The following CUBN variants were observed in gnomAD, a reference collection of about 807,000 sequenced individuals.
CUBN encodes 460 kDa receptor.
Under a neutral mutation model 405.3 loss-of-function variants are expected in CUBN, and 282 were observed. That is an observed-to-expected ratio of 0.70 (90% CI 0.63 to 0.77). CUBN has a LOEUF of 0.77. Ranked by LOEUF, CUBN falls within the 30% of genes least tolerant of loss-of-function variation. The pLI is 0.00. For synonymous variants in CUBN, 1,684 were observed against 1,617.0 expected (o/e 1.04, Z -0.99); for missense variants, 4,514 against 4,475.2 (o/e 1.01, Z -0.25).
rs185726220 is a variant in CUBN, at chr10:17,118,476, T to G, written c.594-2879A>C. Among the ~76,000 whole-genome samples the G allele has an allele frequency of 2.6e-5, 4 of 152,324 alleles. No homozygotes were observed. The East Asian group carries it at 7.7e-4, about 29-fold the overall frequency. On this transcript the variant is annotated intron_variant, in intron 6 of 66. Transcript: ENST00000377833. ...CGTTTTGTTTTGAGACAGGGTCTTG[T>G]GCCCAGGCGGAGTGCAGTGGTGCGA...
intron 14 of CUBN, among the ~76,000 whole-genome samples, chr10:17,094,646 T>C (rs1310361481): frequency 2.6e-5 from 4 of 151,804 alleles, no homozygotes; most frequent in Non-Finnish European, 5.9e-5. Context: ...AAGAAGAAAA[T>C]CCCATTTACA....
chr10:16,937,896 G>A (rs934827280), intron 38 of CUBN, 112 bp from the exon 39 acceptor site: 1 of 919,572 alleles, frequency 1.1e-6, no homozygotes, highest in East Asian at 2.7e-5. Context: ...ACAAAAAAAT[G>A]ACAAATGAGT....
intron 59 of CUBN, among the ~76,000 whole-genome samples, chr10:16,863,862 T>C (rs1206586835): frequency 6.6e-6 from 1 of 152,208 alleles, no homozygotes; most frequent in Non-Finnish European, 1.5e-5. Context: ...TTTAACGTGT[T>C]TGAGAGACAT....
In CUBN at chr10:16,904,080, C is replaced by T; in HGVS notation, c.7948G>A (p.Gly2650Ser). The T allele has an allele frequency of 6.2e-7, 1 of 1,613,698 alleles. No individual in the cohort carries two copies. The change falls in exon 51 of 67, where the codon GGT becomes AGT. Residue 2650 changes from glycine (G) to serine (S), a missense_variant. Physicochemically the swap from Gly to Ser is moderately conservative, Grantham distance 56. Coordinates refer to ENST00000377833, the MANE Select transcript of CUBN (RefSeq NM_001081.4). Reference sequence around the variant, plus strand: ...AATGGCAATGTAGGCTTTGAAGGACCACAAAGTCTCCACATCAGGGGCCCA... The same window carrying T: ...AATGGCAATGTAGGCTTTGAAGGACTACAAAGTCTCCACATCAGGGGCCCA... ...ADGPLMWRLC[G>S]PSKPTLPLVI... is the part of the protein sequence containing the mutation.
At chr10:16,896,382 ATATGAGAAGT>A (rs1260039385) in intron 54 of CUBN, among the ~76,000 whole-genome samples, 1 of 152,114 alleles carries the variant, frequency 6.6e-6, no homozygotes, top group African/African-American at 2.4e-5. Context: ...GTTTACCTTC[ATATGAGAAGT>A]TTTTATTTCC....
intron 56 of CUBN, among the ~76,000 whole-genome samples, chr10:16,882,335 G>A (rs1053750170): frequency 5.5e-4 from 84 of 152,196 alleles, no homozygotes; most frequent in African/African-American, 1.9e-3. Flanking sequence ...GCTGCAAAAC[G>A]ATTCCCTATC....
At chr10:16,984,440 T>C (rs565302210) in intron 29 of CUBN, among the ~76,000 whole-genome samples, 161 bp from the exon 30 acceptor site, 1 of 152,202 alleles carries the variant, frequency 6.6e-6, no homozygotes, top group East Asian at 1.9e-4. Flanking sequence ...TTGAGCTGAG[T>C]TTTCAAAGGC....
chr10:16,902,177 A>ATATACAAATATATAC lies in CUBN; in HGVS notation c.8063-719_8063-718insGTATATATTTGTATA, dbSNP rs1588633940. 2.2e-5 allele frequency among the ~76,000 whole-genome samples: 3 copies of ATATACAAATATATAC among 136,486 alleles called. No homozygotes were observed. The East Asian group carries it at 6.0e-4, about 27-fold the overall frequency. 89.5% of individuals were successfully genotyped at this position (136,486 alleles called of 152,430 possible). A position where few individuals can be genotyped will look rare whatever the true frequency, so the allele number is the denominator to read the frequency against. ...TATATTTGTATATACTATATATAGT[A>ATATACAAATATATAC]TATATATTTGTATATATAGTATATA... On this transcript the variant is annotated intron_variant, in intron 51 of 66. Coordinates refer to ENST00000377833, the MANE Select transcript of CUBN (RefSeq NM_001081.4).
At chr10:16,920,204 C>T (rs147526023) in intron 43 of CUBN, 67 bp from the exon 44 acceptor site, 1 of 1,504,404 alleles carries the variant, frequency 6.6e-7, no homozygotes, top group East Asian at 2.3e-5. Context: ...GGCCACAAAT[C>T]ATCTTTTAAA....
chr10:16,976,292 A>G (rs2131681757), intron 31 of CUBN, among the ~76,000 whole-genome samples: 1 of 152,238 alleles, frequency 6.6e-6, no homozygotes, highest in East Asian at 1.9e-4. Context: ...TCTTAAAGGA[A>G]TTTTAGGAGA....
chr10:16,886,327 C>T (rs1471931732), intron 56 of CUBN, among the ~76,000 whole-genome samples: 1 of 152,150 alleles, frequency 6.6e-6, no homozygotes, highest in Non-Finnish European at 1.5e-5. Flanking sequence ...CCATACATTT[C>T]CCAGATGTTG....
chr10:16,919,123 A>G (rs1564423809), intron 44 of CUBN, among the ~76,000 whole-genome samples: 1 of 152,242 alleles, frequency 6.6e-6, no homozygotes, highest in African/African-American at 2.4e-5. Context: ...AAAAACAACA[A>G]ATATTTTGTT....
chr10:17,034,129 G>A (rs1383593036), intron 27 of CUBN, among the ~76,000 whole-genome samples: 3 of 152,146 alleles, frequency 2.0e-5, no homozygotes, highest in Non-Finnish European at 4.4e-5. Flanking sequence ...AAATGCCTTT[G>A]ACTGAAGTCC....
At chr10:16,906,099 G>A (rs1841546108) in intron 50 of CUBN, 104 bp downstream of exon 50, 2 of 939,558 alleles carry the variant, frequency 2.1e-6, no homozygotes, top group Admixed American at 3.9e-5. Context: ...GGGCAAGAGA[G>A]CAAGCTCCTG....
rs963293370 is a variant in CUBN at position 17,091,394 on chromosome 10, A to G, written c.1766-3049T>C. Among the ~76,000 whole-genome samples, 22 of 46,762 alleles carry G rather than the reference A, an allele frequency of 4.7e-4. No individual in the cohort carries two copies. In the South Asian group the frequency reaches 8.2e-3, roughly 17 times the overall value. 30.7% of individuals were successfully genotyped at this position (46,762 alleles called of 152,430 possible). A position where few individuals can be genotyped will look rare whatever the true frequency, so the allele number is the denominator to read the frequency against. On this transcript the variant is annotated intron_variant, in intron 14 of 66. Coordinates refer to ENST00000377833, the MANE Select transcript of CUBN (RefSeq NM_001081.4). ...CTAAGGAACCAAGTTATTAATTTGA[A>G]TACTTTTTAAAAAAAAGAAAAAGAG...
intron 39 of CUBN, among the ~76,000 whole-genome samples, chr10:16,933,915 G>A (rs997919868): frequency 2.6e-5 from 4 of 152,248 alleles, no homozygotes; most frequent in Admixed American, 6.5e-5. Context: ...GATTGTTTTC[G>A]GCAAAGACCC....
At chr10:17,036,217 T>G (rs57253181) in intron 27 of CUBN, among the ~76,000 whole-genome samples, 1 of 151,952 alleles carries the variant, frequency 6.6e-6, no homozygotes, top group South Asian at 2.1e-4. Flanking sequence ...TGCTGGGGAT[T>G]TGTCACCAAG....
At chr10:17,108,803 T>A (rs772911703) in intron 10 of CUBN, among the ~76,000 whole-genome samples, 1 of 151,954 alleles carries the variant, frequency 6.6e-6, no homozygotes, top group African/African-American at 2.4e-5. Context: ...AAAAACAACA[T>A]GCCAGGAAAA....
chr10:16,907,124 T>A (rs1026489449), intron 49 of CUBN, among the ~76,000 whole-genome samples: 1 of 152,210 alleles, frequency 6.6e-6, no homozygotes, highest in African/African-American at 2.4e-5. Flanking sequence ...CAATAAAGCC[T>A]GTTCTGTCCC....
Sources: allele counts gnomAD v4.1 joint callset (sites outside exome capture counted in the v4.1 genomes callset), GRCh38; gene constraint gnomAD v4.1.1; transcripts MANE v1.5; gene names NCBI Gene and HGNC (gene_info 2026-07-23, HGNC 2026-07-21).